TRPV2: variants seen among roughly 807,000 people sequenced by gnomAD.
The protein encoded by TRPV2 is OTRPC2.
TRPV2 carries 58 observed loss-of-function variants against 91.0 expected under a neutral mutation model. The observed-to-expected ratio is 0.64, with a 90% CI of 0.52 to 0.79. The LOEUF (loss-of-function observed/expected upper bound fraction) is 0.79. TRPV2 is among the 30% of genes least tolerant of loss of function. The pLI, the probability that TRPV2 is intolerant of heterozygous loss-of-function variation, is 0.00. For synonymous variants in TRPV2, 417 were observed against 414.8 expected (o/e 1.01, Z -0.06); for missense variants, 807 against 969.6 (o/e 0.83, Z 2.23).
At chr17:16,428,780 T>A in intron 9 of TRPV2, 37 bp from the exon 10 acceptor site, 2 of 1,611,352 alleles carry the variant, frequency 1.2e-6, no homozygotes, top group Non-Finnish European at 8.5e-7. Flanking sequence ...GGGAGCCAAG[T>A]GGCCCGCAAG....
rs2093383813 is a variant in TRPV2 at position 16,426,490 on chromosome 17, G to A, written c.1095+221G>A. On this transcript the variant is annotated intron_variant, in intron 6 of 14. Transcript: ENST00000338560. This position sits in a 1 kb window ranked among gnomAD's most constrained non-coding sequence, Gnocchi z 6.0. ...ACGGGGATCATGCCAAGGGCCTCGT[G>A]GCAACCATCCGGGTCCTCTCTGTTA... Among the ~76,000 whole-genome samples, 1 of 152,192 alleles carries A rather than the reference G, an allele frequency of 6.6e-6. No individual in the cohort carries two copies. The highest frequency in any genetic ancestry group is 1.5e-5 in the Non-Finnish European group (1 of 68,030).
At chr17:16,428,462 A>T (rs1413892398) in intron 9 of TRPV2, 75 bp downstream of exon 9, 2 of 1,528,596 alleles carry the variant, frequency 1.3e-6, no homozygotes, top group Non-Finnish European at 1.8e-6. Flanking sequence ...AGAAGGCACC[A>T]GGTTGGCTTT....
intron 2 of TRPV2, 71 bp downstream of exon 2, chr17:16,417,939 C>T (rs2093339493): frequency 7.0e-7 from 1 of 1,423,082 alleles, no homozygotes; most frequent in Admixed American, 2.0e-5. Flanking sequence ...CGGAGTGAGA[C>T]TCATTGACTA....
Position 16,435,778 on chromosome 17 carries a change from C to T in TRPV2, c.2194+809C>T, listed in dbSNP as rs1040762063. ...TGGCCCCTGTTGTAGGGAGGCTCCTCTGGCCTCTTCTGCCCCACAGCCTGC... is the reference window on the plus strand; with the variant it reads ...TGGCCCCTGTTGTAGGGAGGCTCCTTTGGCCTCTTCTGCCCCACAGCCTGC... On this transcript the variant is annotated intron_variant, in intron 14 of 14. Coordinates refer to ENST00000338560, the MANE Select transcript of TRPV2 (RefSeq NM_016113.5). The surrounding 1 kb of genome is among the most constrained non-coding windows in gnomAD (Gnocchi z 4.2). 2.0e-5 allele frequency among the ~76,000 whole-genome samples: 3 copies of T among 152,188 alleles called. No homozygotes were observed. Among genetic ancestry groups the T allele is most frequent in the African/African-American group, 7.2e-5 (3 of 41,458 alleles).
At chr17:16,431,256 CATATATATATATATATAT>C (rs60066961) in intron 10 of TRPV2, among the ~76,000 whole-genome samples, 1 of 67,832 alleles carries the variant, frequency 1.5e-5, no homozygotes, top group Non-Finnish European at 2.5e-5. Flanking sequence ...TGATCTGAGA[CATATATATATATATATAT>C]ATATATATAT....
Position 16,426,500 on chromosome 17 carries a change from C to CG in TRPV2, c.1096-219dup, listed in dbSNP as rs2093383892. Among the ~76,000 whole-genome samples, 1 of 152,204 alleles carries CG rather than the reference C, an allele frequency of 6.6e-6. No homozygotes were observed. The highest frequency in any genetic ancestry group is 2.1e-4 in the South Asian group (1 of 4,830). On this transcript the variant is annotated intron_variant, in intron 6 of 14. Coordinates refer to ENST00000338560, the MANE Select transcript of TRPV2 (RefSeq NM_016113.5). The surrounding 1 kb of genome is among the most constrained non-coding windows in gnomAD (Gnocchi z 6.0). ...TGCCAAGGGCCTCGTGGCAACCATC[C>CG]GGGTCCTCTCTGTTAACCAGCATCT...
intron 11 of TRPV2, 27 bp downstream of exon 11, chr17:16,431,877 C>T: frequency 6.2e-7 from 1 of 1,613,698 alleles, no homozygotes; most frequent in South Asian, 1.1e-5. Flanking sequence ...GCCCCCTCCC[C>T]CTTCCCCACG....
intron 13 of TRPV2, among the ~76,000 whole-genome samples, chr17:16,434,188 G>A (rs2093425286): frequency 6.6e-6 from 1 of 152,152 alleles, no homozygotes; most frequent in African/African-American, 2.4e-5. Flanking sequence ...GACACTGTCG[G>A]CCGGGTGCAG....
chr17:16,434,999 C>G, intron 14 of TRPV2, 30 bp downstream of exon 14: 3 of 1,585,104 alleles, frequency 1.9e-6, no homozygotes, highest in Non-Finnish European at 2.6e-6. Flanking sequence ...GAGCCTCTGC[C>G]CTGGGGTGTG....
At chr17:16,428,536 G>A (rs971900739) in intron 9 of TRPV2, 149 bp downstream of exon 9, 3 of 904,414 alleles carry the variant, frequency 3.3e-6, no homozygotes, top group Non-Finnish European at 5.3e-6. Context: ...AGGAGTCTGG[G>A]CTGCCGTCCA....
At chr17:16,433,460 T>A (rs1463014850) in intron 12 of TRPV2, 114 bp from the exon 13 acceptor site, 9 of 1,453,916 alleles carry the variant, frequency 6.2e-6, no homozygotes, top group Non-Finnish European at 8.3e-6. Flanking sequence ...TTTAGTTGAC[T>A]TCGCGTTATA....
At chr17:16,430,877 G>C (rs1321567705) in intron 10 of TRPV2, among the ~76,000 whole-genome samples, 1 of 152,060 alleles carries the variant, frequency 6.6e-6, no homozygotes, top group Non-Finnish European at 1.5e-5. Context: ...GTCACCTGTT[G>C]CTTCCACCTT....
Position 16,420,237 on chromosome 17 carries a change from C to T in TRPV2, c.323C>T (p.Ser108Leu), listed in dbSNP as rs770937292. The change falls in exon 3 of 15, where the codon TCG becomes TTG. Residue 108 changes from serine (S) to leucine (L), a missense_variant. Ser to Leu is a moderately radical substitution (Grantham distance 145). Coordinates refer to ENST00000338560, the MANE Select transcript of TRPV2 (RefSeq NM_016113.5). ...LSKTSKYLTD[S>L]EYTEGSTGKT... ...AAGACCAGCAAGTACCTCACCGACTCGGAATACACAGGTAGACCCTGCCCT... is the reference window on the plus strand; with the variant it reads ...AAGACCAGCAAGTACCTCACCGACTTGGAATACACAGGTAGACCCTGCCCT... 1.6e-5 allele frequency: 26 copies of T among 1,613,678 alleles called. No individual in the cohort carries two copies. Among genetic ancestry groups the T allele is most frequent in the South Asian group, 4.4e-5 (4 of 91,028 alleles).
At chr17:16,421,243 T>C (rs2093355130) in intron 3 of TRPV2, among the ~76,000 whole-genome samples, 1 of 151,844 alleles carries the variant, frequency 6.6e-6, no homozygotes, top group East Asian at 1.9e-4. Flanking sequence ...GGAGTCTTGC[T>C]CTGTTGCCCA....
At position 16,435,585 on chromosome 17, in the gene TRPV2, A is replaced by G. The variant is rs984878612; in HGVS notation, c.2194+616A>G. Among the ~76,000 whole-genome samples, 6 of 151,632 alleles carry G rather than the reference A, an allele frequency of 4.0e-5. No homozygotes were observed. Among genetic ancestry groups the G allele is most frequent in the African/African-American group, 1.5e-4 (6 of 41,350 alleles). On this transcript the variant is annotated intron_variant, in intron 14 of 14. Transcript: ENST00000338560. This position sits in a 1 kb window ranked among gnomAD's most constrained non-coding sequence, Gnocchi z 4.2. ...ACTGGTTCCTTCCTCCCACCCTCAG[A>G]GGCCTGTTCTGAGGATTAGCTGTCC... is the stretch of plus-strand genomic sequence containing the variant.
Position 16,436,770 on chromosome 17 carries a change from G to C in TRPV2, c.2195-19G>C. The C allele has an allele frequency of 6.3e-7, 1 of 1,583,956 alleles. No homozygotes were observed. Among genetic ancestry groups the C allele is most frequent in the Non-Finnish European group, 8.7e-7 (1 of 1,152,512 alleles). On this transcript the variant is annotated intron_variant, in intron 14 of 14. Coordinates refer to ENST00000338560, the MANE Select transcript of TRPV2 (RefSeq NM_016113.5). ...ACACACTCAAGGGTTAAGCTACAGTGCTTGCCATCTGTTTACAGGAACTCT... is the reference window on the plus strand; with the variant it reads ...ACACACTCAAGGGTTAAGCTACAGTCCTTGCCATCTGTTTACAGGAACTCT...
rs141878424 is a variant in TRPV2 at position 16,434,950 on chromosome 17, G to A, written c.2175G>A (p.Pro725=). The A allele has an allele frequency of 1.1e-5, 17 of 1,610,964 alleles. No homozygotes were observed. Among genetic ancestry groups the A allele is most frequent in the South Asian group, 9.9e-5 (9 of 90,530 alleles). ...EQTLPTLCED[P]SGAGVPRTLE... ...CGCTGCCTACGCTGTGTGAGGACCCGTCAGGGGCAGGTGTCCCTCGTGAGT... is the reference window on the plus strand; with the variant it reads ...CGCTGCCTACGCTGTGTGAGGACCCATCAGGGGCAGGTGTCCCTCGTGAGT... The change falls in exon 14 of 15, where the codon CCG becomes CCA. Residue 725 remains proline, a synonymous_variant. Coordinates refer to ENST00000338560, the MANE Select transcript of TRPV2 (RefSeq NM_016113.5).
chr17:16,432,205 C>T lies in TRPV2; in HGVS notation c.1894C>T (p.Leu632Phe). 1 of 1,614,238 alleles carries T rather than the reference C, an allele frequency of 6.2e-7. No individual in the cohort carries two copies. Among genetic ancestry groups the T allele is most frequent in the Non-Finnish European group, 8.5e-7 (1 of 1,180,044 alleles). ...VLLLLLAYVLLTYILLLNMLI... is the reference protein window; with the variant it reads ...VLLLLLAYVLFTYILLLNMLI... Reference sequence around the variant, plus strand: ...GCTGCTGCTGCTGGCCTACGTGCTGCTCACCTACATCCTGCTGCTCAACAT... The same window carrying T: ...GCTGCTGCTGCTGGCCTACGTGCTGTTCACCTACATCCTGCTGCTCAACAT... Residue 632 changes from leucine to phenylalanine, a missense_variant, in exon 12 of 15, where the codon CTC (leucine) becomes TTC (phenylalanine). Physicochemically the swap from Leu to Phe is conservative, Grantham distance 22. Transcript: ENST00000338560.
At chr17:16,423,099 T>A (rs1489931087) in intron 4 of TRPV2, among the ~76,000 whole-genome samples, 1 of 152,226 alleles carries the variant, frequency 6.6e-6, no homozygotes, top group Non-Finnish European at 1.5e-5. Context: ...CCTCCTGCCT[T>A]AGCTTCTCGA....
Sources: gnomAD v4.1 joint callset for allele counts (sites outside exome capture counted in the v4.1 genomes callset) on GRCh38, gnomAD v4.1.1 for gene constraint, Gnocchi (gnomAD v3.1) non-coding constraint, MANE v1.5 for transcripts, NCBI Gene and HGNC (gene_info 2026-07-23, HGNC 2026-07-21) for gene names.